The following RIF1 variants were observed in gnomAD, a reference collection of about 807,000 sequenced individuals.
RIF1 encodes the protein telomere-associated protein RIF1.
In RIF1, 45 loss-of-function variants were observed where a neutral mutation model predicts 247.1. The observed-to-expected ratio is 0.18, with a 90% CI of 0.14 to 0.23. The LOEUF is 0.23. Among genes scored for constraint, RIF1 ranks in the 10% least tolerant of loss-of-function variants. RIF1 has a pLI of 1.00. For missense variants in RIF1, 2,967 were observed against 2,862.5 expected (o/e 1.04, Z -0.83); for synonymous variants, 1,087 against 978.8 (o/e 1.11, Z -2.06).
Position 151,463,088 on chromosome 2 carries a change from AGTACAG to A in RIF1, c.3569_3574del (p.Ser1190_Glu1192delinsLys). ...GAAAACATCAACTGAATGTGCATCT[AGTACAG>A]AAAATTCTTTCGTTGTCAGCAGTAG... On this transcript the variant is annotated inframe_deletion, in exon 30 of 36. Transcript: ENST00000444746. The A allele has an allele frequency of 6.2e-7, 1 of 1,614,038 alleles. No individual in the cohort carries two copies.
intron 31 of RIF1, 149 bp downstream of exon 31, chr2:151,468,295 A>G: frequency 1.1e-6 from 1 of 909,576 alleles, no homozygotes; most frequent in Non-Finnish European, 1.6e-6. Flanking sequence ...AGCAGAAAGG[A>G]AGAGAAGCAG....
rs769284155 is a variant in RIF1 at position 151,438,681 on chromosome 2, C to T, written c.1484-3C>T. Reference sequence around the variant, plus strand: ...AAATACTCAAGTTTATTTTGTTTGACAGATGTGGTTGTCAGTGCTATCTGG... The same window carrying T: ...AAATACTCAAGTTTATTTTGTTTGATAGATGTGGTTGTCAGTGCTATCTGG... On this transcript the variant is annotated splice_region_variant and splice_polypyrimidine_tract_variant and intron_variant, in intron 13 of 35. Coordinates refer to ENST00000444746, the MANE Select transcript of RIF1 (RefSeq NM_018151.5). 5 of 1,607,234 alleles carry T rather than the reference C, an allele frequency of 3.1e-6. No individual in the cohort carries two copies. The African/African-American group carries it at 4.0e-5, about 13-fold the overall frequency.
chr2:151,415,118 C>T (rs980476536), intron 4 of RIF1, among the ~76,000 whole-genome samples, 199 bp downstream of exon 4: 5 of 151,804 alleles, frequency 3.3e-5, no homozygotes, highest in Non-Finnish European at 5.9e-5. Context: ...GAGGCCGAGG[C>T]GGGTGGATCA....
chr2:151,526,385 C>A, the RIF1 span: 1 of 725,202 alleles, frequency 1.4e-6, no homozygotes, highest in South Asian at 1.7e-5. Flanking sequence ...AGATGTGATA[C>A]TTGCAAATTT....
chr2:151,442,778 T>TTC (rs1195422852), intron 16 of RIF1, among the ~76,000 whole-genome samples: 1 of 146,500 alleles, frequency 6.8e-6, no homozygotes, highest in Non-Finnish European at 1.5e-5. Context: ...TTTTTTTTTT[T>TTC]TTTTTTTTTT....
intron 10 of RIF1, chr2:151,498,062 A>ATGT: frequency 6.9e-7 from 1 of 1,455,732 alleles, no homozygotes; most frequent in Non-Finnish European, 9.0e-7. Context: ...TTTTTAAAAC[A>ATGT]TGTTTGTTTG....
intron 20 of RIF1, among the ~76,000 whole-genome samples, chr2:151,447,820 C>T (rs779761717): frequency 3.9e-5 from 6 of 152,238 alleles, no homozygotes; most frequent in Non-Finnish European, 8.8e-5. Flanking sequence ...GGATTACAGG[C>T]GTGAGCCATT....
At chr2:151,496,056 A>C (rs1452947418) in intron 10 of RIF1, among the ~76,000 whole-genome samples, 3 of 152,154 alleles carry the variant, frequency 2.0e-5, no homozygotes, top group Non-Finnish European at 4.4e-5. Flanking sequence ...TTTTATAGGA[A>C]AATCTGTTAC....
the RIF1 span, chr2:151,519,024 C>T: frequency 6.2e-7 from 1 of 1,613,724 alleles, no homozygotes; most frequent in Admixed American, 1.7e-5. Flanking sequence ...TCCTTCATGT[C>T]AGTCACGGGT....
At chr2:151,440,550 A>C (rs909935415) in intron 15 of RIF1, among the ~76,000 whole-genome samples, 4 of 152,122 alleles carry the variant, frequency 2.6e-5, no homozygotes, top group Admixed American at 6.5e-5. Context: ...CCCGTGTAGT[A>C]CAGGAAGAAA....
the RIF1 span, among the ~76,000 whole-genome samples, chr2:151,532,977 G>A: frequency 1.3e-5 from 2 of 152,060 alleles, no homozygotes; most frequent in Non-Finnish European, 2.9e-5. Flanking sequence ...GTCAAGAGGC[G>A]CCATGAATAT....
chr2:151,498,288 ACT>A lies in RIF1; in HGVS notation c.*514-1052_*514-1051del, dbSNP rs1266535163. ...GCTAAGGTTTTCTTGATTGTGTTTG[ACT>A]CTCTGCATCTCAGGAGTGATGGGGA... is the stretch of plus-strand genomic sequence containing the variant. On this transcript the variant is annotated intron_variant and NMD_transcript_variant, in intron 10 of 13. Coordinates refer to the RIF1 transcript ENST00000454583. 4.5e-6 allele frequency: 7 copies of A among 1,551,146 alleles called. No individual in the cohort carries two copies. Among genetic ancestry groups the A allele is most frequent in the Non-Finnish European group, 6.1e-6 (7 of 1,146,814 alleles).
At chr2:151,511,192 C>T (rs1429415140), downstream of RIF1, among the ~76,000 whole-genome samples, 1 of 152,220 alleles carries the variant, frequency 6.6e-6, no homozygotes, top group Non-Finnish European at 1.5e-5. Context: ...GAATATCAGC[C>T]TCCCTGGCTC....
chr2:151,458,101 C>A, intron 24 of RIF1, 138 bp downstream of exon 24: 1 of 579,420 alleles, frequency 1.7e-6, no homozygotes, highest in Non-Finnish European at 3.0e-6. Flanking sequence ...ATTTGGAATA[C>A]ATGATAATTA....
chr2:151,499,253 A>AAAC (rs1227057538), intron 10 of RIF1: 2 of 1,056,786 alleles, frequency 1.9e-6, no homozygotes, highest in East Asian at 5.3e-5. Flanking sequence ...TAATCTTTTT[A>AAAC]AACATTTTTT....
intron 10 of RIF1, among the ~76,000 whole-genome samples, chr2:151,434,587 C>T (rs1007920756): frequency 6.6e-6 from 1 of 151,766 alleles, no homozygotes; most frequent in Non-Finnish European, 1.5e-5. Context: ...ACTACAGGCG[C>T]CCGCCACCAC....
intron 10 of RIF1, chr2:151,496,838 C>G: frequency 7.6e-7 from 1 of 1,319,762 alleles, no homozygotes. Flanking sequence ...GAAAGAAGTT[C>G]ACAAAATTTG....
At chr2:151,437,382 A>C in intron 13 of RIF1, 31 bp downstream of exon 13, 2 of 1,532,612 alleles carry the variant, frequency 1.3e-6, no homozygotes, top group Non-Finnish European at 1.8e-6. Flanking sequence ...ATTTGCTCAA[A>C]TGTGTGTTTA....
At chr2:151,429,210 G>A (rs901245544) in intron 9 of RIF1, among the ~76,000 whole-genome samples, 6 of 151,924 alleles carry the variant, frequency 3.9e-5, no homozygotes, top group African/African-American at 1.5e-4. Context: ...TTTGAGACAG[G>A]GTCGCTCTTG....
Sources: allele counts gnomAD v4.1 joint callset (sites outside exome capture counted in the v4.1 genomes callset), GRCh38; gene constraint gnomAD v4.1.1; transcripts MANE v1.5; gene names NCBI Gene and HGNC (gene_info 2026-07-23, HGNC 2026-07-21).